The following ZFHX3 variants were observed in gnomAD, a reference collection of about 807,000 sequenced individuals.
ZFHX3 encodes the protein zinc finger homeobox protein 3.
ZFHX3 carries 42 observed loss-of-function variants against 279.1 expected under a neutral mutation model. That is an observed-to-expected ratio of 0.15 (90% CI 0.12 to 0.19). The LOEUF is 0.19. Ranked by LOEUF, ZFHX3 falls within the 10% of genes least tolerant of loss-of-function variation. The pLI, the probability that ZFHX3 is intolerant of heterozygous loss-of-function variation, is 1.00. For synonymous variants in ZFHX3, 2,293 were observed against 1,957.8 expected, an observed-to-expected ratio of 1.17 and a Z score of -4.52; for missense variants, 4,981 against 4,754.0, an observed-to-expected ratio of 1.05 and a Z score of -1.40.
chr16:73,308,260 TATATATATATATATA>T lies in ZFHX3; in HGVS notation c.-1194+9965_-1194+9979del, dbSNP rs1567446242. Among the ~76,000 whole-genome samples, 246 of 33,402 alleles carry T rather than the reference TATATATATATATATA, an allele frequency of 7.4e-3. 2 individuals carry two copies. Among genetic ancestry groups the T allele is most frequent in the African/African-American group, 0.015 (218 of 15,028 alleles). 21.9% of individuals were successfully genotyped at this position (33,402 alleles called of 152,430 possible). A position where few individuals can be genotyped will look rare whatever the true frequency, so the allele number is the denominator to read the frequency against. ...ATATATATATATATATATATATATA[TATATATATATATATA>T]TATTTATTTATTTATTTTTGAGACA... On this transcript the variant is annotated intron_variant, in intron 4 of 17. Coordinates refer to the ZFHX3 transcript ENST00000641206.
At chr16:73,140,766 A>T (rs1462173858) in intron 6 of ZFHX3, among the ~76,000 whole-genome samples, 1 of 152,182 alleles carries the variant, frequency 6.6e-6, no homozygotes, top group African/African-American at 2.4e-5. Context: ...AGGCAGGAGA[A>T]TCAATTGAAC....
intron 3 of ZFHX3, among the ~76,000 whole-genome samples, chr16:73,328,965 C>T (rs1383528312): frequency 6.6e-6 from 1 of 152,212 alleles, no homozygotes; most frequent in African/African-American, 2.4e-5. Context: ...ACCTCTCTGT[C>T]CTCCTTATAT....
chr16:73,057,475 G>A (rs1729917149), intron 1 of ZFHX3, among the ~76,000 whole-genome samples: 1 of 151,480 alleles, frequency 6.6e-6, no homozygotes, highest in African/African-American at 2.4e-5. Context: ...TGCATCGAGT[G>A]GAGCCGGGCG....
intron 1 of ZFHX3, among the ~76,000 whole-genome samples, chr16:73,721,741 G>T (rs995607767): frequency 6.6e-6 from 1 of 152,138 alleles, no homozygotes; most frequent in Non-Finnish European, 1.5e-5. Flanking sequence ...ATTATTAGCA[G>T]TTATAAACAA....
In ZFHX3 at chr16:72,840,619, T is replaced by C. The variant is rs1283584317; in HGVS notation, c.3449-10760A>G. On this transcript the variant is annotated intron_variant, in intron 4 of 9. Transcript: ENST00000268489. The stretch of plus-strand genomic sequence containing the variant: ...TCCAGAGGTCTGAGTCACATGAGGA[T>C]ACAAATGAGGGACTTGGATTCCCTG... Among the ~76,000 whole-genome samples, 4 of 152,316 alleles carry C rather than the reference T, an allele frequency of 2.6e-5. No homozygotes were observed. The East Asian group carries it at 7.7e-4, about 29-fold the overall frequency.
At chr16:73,553,361 A>C (rs967008143) in intron 2 of ZFHX3, among the ~76,000 whole-genome samples, 4 of 152,164 alleles carry the variant, frequency 2.6e-5, no homozygotes, top group African/African-American at 7.2e-5. Flanking sequence ...TATTCTCTGA[A>C]AGCATCACAT....
At chr16:72,983,922 C>G (rs188854559) in intron 1 of ZFHX3, among the ~76,000 whole-genome samples, 7 of 152,278 alleles carry the variant, frequency 4.6e-5, no homozygotes, top group South Asian at 4.1e-4. Context: ...GCCATTACCC[C>G]CCGGCCCCAC....
chr16:73,743,168 A>T (rs1477601628), intron 1 of ZFHX3, among the ~76,000 whole-genome samples: 1 of 152,184 alleles, frequency 6.6e-6, no homozygotes, highest in Non-Finnish European at 1.5e-5. Context: ...CTACTTAATG[A>T]TATAATTCAG....
intron 5 of ZFHX3, among the ~76,000 whole-genome samples, chr16:73,222,979 T>C (rs2012470843): frequency 6.6e-6 from 1 of 152,132 alleles, no homozygotes; most frequent in Non-Finnish European, 1.5e-5. Context: ...AAGATAGTCT[T>C]TTAAACAAAT....
At chr16:73,817,088 G>C (rs970918046) in intron 1 of ZFHX3, among the ~76,000 whole-genome samples, 1 of 152,194 alleles carries the variant, frequency 6.6e-6, no homozygotes, top group Non-Finnish European at 1.5e-5. Flanking sequence ...GATGAGGAAG[G>C]AGAAGGAGTA....
intron 4 of ZFHX3, among the ~76,000 whole-genome samples, chr16:73,295,057 C>CA (rs368906091): frequency 3.6e-4 from 55 of 151,656 alleles, no homozygotes; most frequent in African/African-American, 1.2e-3. Flanking sequence ...ACTAAAAATA[C>CA]AAAAAAAATT....
intron 5 of ZFHX3, among the ~76,000 whole-genome samples, chr16:73,187,511 A>T (rs1337636065): frequency 3.9e-5 from 6 of 152,206 alleles, no homozygotes; most frequent in South Asian, 2.1e-4. Flanking sequence ...TTTAGAGGAA[A>T]GAGAAAAGGA....
At chr16:73,230,708 C>T (rs2012745770) in intron 5 of ZFHX3, among the ~76,000 whole-genome samples, 1 of 152,172 alleles carries the variant, frequency 6.6e-6, no homozygotes, top group Admixed American at 6.5e-5. Context: ...GTAAGATTGG[C>T]AGAATTTATG....
At chr16:73,319,077 T>G (rs961000371) in intron 3 of ZFHX3, among the ~76,000 whole-genome samples, 16 of 71,554 alleles carry the variant, frequency 2.2e-4, no homozygotes, top group East Asian at 3.0e-4. Context: ...ATGGAGGGGG[T>G]GAGGTGCTGA....
chr16:72,898,838 C>G (rs1332342786), intron 3 of ZFHX3, among the ~76,000 whole-genome samples: 1 of 151,820 alleles, frequency 6.6e-6, no homozygotes, highest in African/African-American at 2.4e-5. Flanking sequence ...CCTACATCTT[C>G]CTTATTTCAT....
At chr16:73,556,306 C>T (rs762547874) in intron 2 of ZFHX3, among the ~76,000 whole-genome samples, 7 of 151,746 alleles carry the variant, frequency 4.6e-5, no homozygotes, top group Admixed American at 2.6e-4. Context: ...AAGGAGAGAA[C>T]GAAAGGAGTG....
In ZFHX3 at chr16:72,803,018, G is replaced by C. The variant is rs573184430; in HGVS notation, c.3865-2889C>G. Among the ~76,000 whole-genome samples, 5 of 152,302 alleles carry C rather than the reference G, an allele frequency of 3.3e-5. 1 individual carries two copies. In the South Asian group the frequency reaches 1.0e-3, roughly 32 times the overall value. On this transcript the variant is annotated intron_variant, in intron 7 of 9. Coordinates refer to ENST00000268489, the MANE Select transcript of ZFHX3 (RefSeq NM_006885.4). ...TCCCAGCCATAGTCTCTAATGGATA[G>C]CTGAAAATGGGAAAGTAATAACCCA...
At chr16:73,246,675 T>C (rs1416618008) in intron 5 of ZFHX3, among the ~76,000 whole-genome samples, 1 of 152,240 alleles carries the variant, frequency 6.6e-6, no homozygotes, top group South Asian at 2.1e-4. Flanking sequence ...AATGCTCGTA[T>C]CTTAAAGCAA....
chr16:73,815,454 T>G (rs897771911), intron 1 of ZFHX3: 1 of 152,190 alleles, frequency 6.6e-6, no homozygotes, highest in Non-Finnish European at 1.5e-5. Flanking sequence ...GAAATCTTTC[T>G]CTTAATTCGA....
Sources: allele counts gnomAD v4.1 joint callset (sites outside exome capture counted in the v4.1 genomes callset), GRCh38; gene constraint gnomAD v4.1.1; transcripts MANE v1.5; gene names NCBI Gene and HGNC (gene_info 2026-07-23, HGNC 2026-07-21).